Variants in EDA observed in about 807,000 individuals in gnomAD.
The protein encoded by EDA is ectodysplasin A.
In EDA, 2 loss-of-function variants were observed where a neutral mutation model predicts 23.6. That is an observed-to-expected ratio of 0.08 (90% CI 0.03 to 0.27). EDA has a LOEUF of 0.27. Ranked by LOEUF, EDA falls within the 10% of genes least tolerant of loss-of-function variation. The probability of loss-of-function intolerance (pLI) is 1.00; values close to 1 mark genes in which losing one functional copy is unlikely to be tolerated. For missense variants in EDA, 229 were observed against 324.2 expected (o/e 0.71, Z 2.26); for synonymous variants, 131 against 132.0 (o/e 0.99, Z 0.05).
chrX:70,007,267 G>A (rs1003361173), intron 2 of EDA, among the ~76,000 whole-genome samples: 1 of 111,681 alleles, frequency 9.0e-6, no homozygotes, highest in African/African-American at 3.3e-5. Flanking sequence ...TACCCACAAG[G>A]CAACTTGCTG....
chrX:69,808,801 A>G (rs1282253546), intron 1 of EDA, among the ~76,000 whole-genome samples: 3 of 112,293 alleles, frequency 2.7e-5, no homozygotes, highest in African/African-American at 9.7e-5. Flanking sequence ...TAAAAGCAAA[A>G]TAATTTTTCA....
At chrX:69,912,349 C>G (rs1460249954) in intron 1 of EDA, among the ~76,000 whole-genome samples, 2 of 111,792 alleles carry the variant, frequency 1.8e-5, no homozygotes, top group African/African-American at 6.5e-5. Context: ...CATGAATATG[C>G]TTAATGGATC....
At chrX:69,702,382 C>T (rs1268323785) in intron 1 of EDA, among the ~76,000 whole-genome samples, 4 of 110,000 alleles carry the variant, frequency 3.6e-5, no homozygotes, top group Admixed American at 9.7e-5. Flanking sequence ...CAGGAGAGGG[C>T]GGTGGGGGAG....
At chrX:69,913,393 G>A (rs2147656701) in intron 1 of EDA, among the ~76,000 whole-genome samples, 1 of 112,363 alleles carries the variant, frequency 8.9e-6, no homozygotes, top group South Asian at 3.7e-4. Flanking sequence ...TTTGTTACTG[G>A]AGACAGATTC....
chrX:69,647,471 G>A (rs893014266), intron 1 of EDA, among the ~76,000 whole-genome samples: 2 of 111,020 alleles, frequency 1.8e-5, no homozygotes, highest in Admixed American at 9.6e-5. Flanking sequence ...CCTCCTCTTG[G>A]TATATTCTGT....
At chrX:69,777,077 T>C (rs2188453) in intron 1 of EDA, among the ~76,000 whole-genome samples, 33,070 of 110,302 alleles carry the variant, frequency 0.3, 4,739 homozygotes, top group Middle Eastern at 0.54. Flanking sequence ...ATTATTTTCC[T>C]TTACAAAACC....
intron 1 of EDA, among the ~76,000 whole-genome samples, chrX:69,943,336 T>C (rs1325488532): frequency 9.0e-6 from 1 of 111,575 alleles, no homozygotes; most frequent in Non-Finnish European, 1.9e-5. Context: ...TCCAGGTATT[T>C]GAAGGGACTT....
At chrX:69,969,487 C>T (rs2019219289) in intron 2 of EDA, among the ~76,000 whole-genome samples, 1 of 111,653 alleles carries the variant, frequency 9.0e-6, no homozygotes, top group African/African-American at 3.3e-5. Flanking sequence ...GAATTGTATA[C>T]TTCCAAAAGT....
intron 1 of EDA, among the ~76,000 whole-genome samples, chrX:69,784,362 T>C (rs1445883026): frequency 5.9e-5 from 6 of 101,669 alleles, no homozygotes; most frequent in African/African-American, 1.5e-4. Flanking sequence ...ATGAAGTCCT[T>C]GCCCATGCCT....
In EDA at chrX:69,848,550, C is replaced by T. The variant is rs752481650; in HGVS notation, c.397-108477C>T. On this transcript the variant is annotated intron_variant, in intron 1 of 7. Coordinates refer to ENST00000374552, the MANE Select transcript of EDA (RefSeq NM_001399.5). Reference sequence around the variant, plus strand: ...ACTTTGTTTCTAGCCACCTCACTTACTTTACTGTCCCCCATACAATCCCCA... The same window carrying T: ...ACTTTGTTTCTAGCCACCTCACTTATTTTACTGTCCCCCATACAATCCCCA... Among the ~76,000 whole-genome samples, 687 of 111,770 alleles carry T rather than the reference C, an allele frequency of 6.1e-3. 8 individuals carry two copies. The highest frequency in any genetic ancestry group is 0.022 in the African/African-American group (661 of 30,740).
At chrX:69,844,963 A>G (rs1394527522) in intron 1 of EDA, among the ~76,000 whole-genome samples, 1 of 111,993 alleles carries the variant, frequency 8.9e-6, no homozygotes, top group Non-Finnish European at 1.9e-5. Context: ...TAAAGTCTTG[A>G]TGAGTTGAGA....
intron 1 of EDA, among the ~76,000 whole-genome samples, chrX:69,902,658 T>C (rs2018115266): frequency 8.9e-6 from 1 of 112,420 alleles, no homozygotes; most frequent in Non-Finnish European, 1.9e-5. Flanking sequence ...ACTGTTGATG[T>C]TTTAATTGCT....
At chrX:69,994,386 T>C (rs1488632862) in intron 2 of EDA, among the ~76,000 whole-genome samples, 1 of 112,097 alleles carries the variant, frequency 8.9e-6, no homozygotes, top group Non-Finnish European at 1.9e-5. Flanking sequence ...TCATTTCTGT[T>C]CTTTTCACAT....
At chrX:69,686,005 T>C (rs763132551) in intron 1 of EDA, among the ~76,000 whole-genome samples, 56 of 112,532 alleles carry the variant, frequency 5.0e-4, no homozygotes, top group Non-Finnish European at 8.3e-4. Flanking sequence ...CTTTCTTTTC[T>C]TTTCTTTTCT....
At chrX:70,031,565 G>A (rs143007496) in intron 6 of EDA, among the ~76,000 whole-genome samples, 6,461 of 111,431 alleles carry the variant, frequency 0.058, 187 homozygotes, top group Non-Finnish European at 0.089. Flanking sequence ...AACGGTAAAG[G>A]AAGGTTAAAA....
intron 1 of EDA, among the ~76,000 whole-genome samples, chrX:69,625,353 C>T (rs1287379439): frequency 9.1e-6 from 1 of 110,493 alleles, no homozygotes; most frequent in Non-Finnish European, 1.9e-5. Flanking sequence ...CTGTTTTAGG[C>T]AGTAGGAACA....
intron 1 of EDA, among the ~76,000 whole-genome samples, chrX:69,632,031 G>T (rs1932614855): frequency 8.9e-6 from 1 of 111,925 alleles, no homozygotes; most frequent in South Asian, 3.7e-4. Context: ...CTTATAATAT[G>T]AAATTGTGGT....
intron 1 of EDA, among the ~76,000 whole-genome samples, chrX:69,779,702 G>T (rs994894336): frequency 9.0e-6 from 1 of 111,638 alleles, no homozygotes; most frequent in Non-Finnish European, 1.9e-5. Context: ...AATTTTAAAT[G>T]ATTAATTTCA....
intron 1 of EDA, among the ~76,000 whole-genome samples, chrX:69,814,939 A>G (rs2016042533): frequency 9.0e-6 from 1 of 111,668 alleles, no homozygotes; most frequent in Non-Finnish European, 1.9e-5. Flanking sequence ...TCAGGCATAC[A>G]CAGAGACCCA....
Sources: allele counts gnomAD v4.1 joint callset (sites outside exome capture counted in the v4.1 genomes callset), GRCh38; gene constraint gnomAD v4.1.1; transcripts MANE v1.5; gene names NCBI Gene and HGNC (gene_info 2026-07-23, HGNC 2026-07-21).